Variants in TMCO4 observed in about 807,000 individuals in gnomAD.
TMCO4 encodes transmembrane and coiled-coil domains 4, also known as transmembrane and coiled-coil domain-containing protein 4.
In TMCO4, 58 loss-of-function variants were observed where a neutral mutation model predicts 64.7. The ratio of observed to expected loss-of-function variants is 0.90; its 90% CI spans 0.73 to 1.12. The LOEUF is 1.12. TMCO4 is among the 50% of genes most tolerant of loss of function. TMCO4 has a pLI of 0.00. For synonymous variants in TMCO4, 325 were observed against 346.1 expected (o/e 0.94, Z 0.68); for missense variants, 780 against 825.9 (o/e 0.94, Z 0.68).
chr1:19,725,830 T>G (rs1251394623), intron 13 of TMCO4, among the ~76,000 whole-genome samples: 1 of 152,182 alleles, frequency 6.6e-6, no homozygotes, highest in Non-Finnish European at 1.5e-5. Context: ...TCAAGCCCGA[T>G]GGACAGTCTG....
At chr1:19,696,004 C>A (rs537925632) in intron 14 of TMCO4, among the ~76,000 whole-genome samples, 32 of 152,238 alleles carry the variant, frequency 2.1e-4, no homozygotes, top group Middle Eastern at 3.4e-3. Flanking sequence ...AGCAGGCAAT[C>A]CTCCCTCCCC....
chr1:19,721,046 T>C (rs2100737975), intron 13 of TMCO4, among the ~76,000 whole-genome samples: 1 of 152,210 alleles, frequency 6.6e-6, no homozygotes, highest in Admixed American at 6.5e-5. Context: ...TCTTCTCCGG[T>C]TGGAATTCTC....
intron 13 of TMCO4, among the ~76,000 whole-genome samples, chr1:19,726,369 G>A (rs1333952160): frequency 2.0e-5 from 3 of 152,058 alleles, no homozygotes; most frequent in Non-Finnish European, 2.9e-5. Flanking sequence ...AAATCCCTTC[G>A]GCTCTCTGAG....
chr1:19,751,819 C>T (rs1410903291), intron 7 of TMCO4, among the ~76,000 whole-genome samples: 2 of 152,200 alleles, frequency 1.3e-5, no homozygotes, highest in East Asian at 3.9e-4. Context: ...GAGGCCAAGG[C>T]GGGTGGATCA....
chr1:19,790,057 G>GAAA (rs545785612), intron 2 of TMCO4, among the ~76,000 whole-genome samples: 1 of 85,430 alleles, frequency 1.2e-5, no homozygotes, highest in Non-Finnish European at 2.6e-5. Context: ...CTCTGCCTCA[G>GAAA]AAAAAAAAAA....
At chr1:19,768,088 C>A (rs1193955421) in intron 6 of TMCO4, among the ~76,000 whole-genome samples, 1 of 128,242 alleles carries the variant, frequency 7.8e-6, no homozygotes, top group African/African-American at 3.3e-5. Context: ...AGCGAAACTT[C>A]ATCTCAAAAA....
At chr1:19,788,030 T>C (rs1351396266) in intron 2 of TMCO4, among the ~76,000 whole-genome samples, 1 of 152,184 alleles carries the variant, frequency 6.6e-6, no homozygotes, top group African/African-American at 2.4e-5. Context: ...GTGCTAGGAT[T>C]ACAGGCGTGA....
intron 12 of TMCO4, among the ~76,000 whole-genome samples, chr1:19,738,625 T>G (rs1014931050): frequency 6.6e-6 from 1 of 152,266 alleles, no homozygotes; most frequent in Admixed American, 6.5e-5. Context: ...TCTAAGCCAA[T>G]GCCACTTTGG....
chr1:19,787,311 G>C (rs1022579820), intron 2 of TMCO4, among the ~76,000 whole-genome samples, 194 bp from the exon 3 acceptor site: 3 of 152,234 alleles, frequency 2.0e-5, no homozygotes, highest in African/African-American at 7.2e-5. Context: ...AGGGCAGGCA[G>C]CTACCACTGC....
At chr1:19,771,257 A>G (rs1282324195) in intron 5 of TMCO4, 51 bp downstream of exon 5, 1 of 1,564,508 alleles carries the variant, frequency 6.4e-7, no homozygotes, top group Admixed American at 1.9e-5. Context: ...CATTGAAAGA[A>G]AATGATTTGT....
intron 2 of TMCO4, among the ~76,000 whole-genome samples, chr1:19,793,341 A>C (rs1265388402): frequency 6.6e-6 from 1 of 152,224 alleles, no homozygotes. Context: ...CATTTGGCTA[A>C]GAAATCATTC....
intron 2 of TMCO4, among the ~76,000 whole-genome samples, chr1:19,789,447 G>C (rs754368333): frequency 6.6e-6 from 1 of 152,038 alleles, no homozygotes; most frequent in East Asian, 1.9e-4. Flanking sequence ...ATCTTTCACA[G>C]AGCAAAAAGA....
chr1:19,740,422 G>T (rs2095473966), intron 11 of TMCO4, among the ~76,000 whole-genome samples: 1 of 152,156 alleles, frequency 6.6e-6, no homozygotes, highest in Admixed American at 6.5e-5. Context: ...GAGCTGAGTT[G>T]CCCCAGACAA....
In TMCO4 at chr1:19,734,052, C is replaced by G. The variant is rs1570805601; in HGVS notation, c.1264+3320G>C. ...TCCATAAGTGTGTGCTGTGTGGTTA[C>G]TACTACTACTATTATCATCATTATT... is the stretch of plus-strand genomic sequence containing the variant. On this transcript the variant is annotated intron_variant, in intron 13 of 15. Coordinates refer to ENST00000294543, the MANE Select transcript of TMCO4 (RefSeq NM_181719.7). The surrounding 1 kb of genome is among the most constrained non-coding windows in gnomAD (Gnocchi z 4.4). Among the ~76,000 whole-genome samples the G allele has an allele frequency of 1.3e-5, 2 of 152,260 alleles. No individual in the cohort carries two copies. Among genetic ancestry groups the G allele is most frequent in the South Asian group, 4.1e-4 (2 of 4,824 alleles).
At chr1:19,796,043 T>C (rs934594840) in intron 2 of TMCO4, among the ~76,000 whole-genome samples, 1 of 152,212 alleles carries the variant, frequency 6.6e-6, no homozygotes, top group African/African-American at 2.4e-5. Flanking sequence ...TGGGTCCCCC[T>C]GTCCAAATAG....
chr1:19,771,398 C>G lies in TMCO4; in HGVS notation c.264G>C (p.Ala88=). Residue 88 remains alanine, a synonymous_variant, in exon 5 of 16, where the codon GCG becomes GCC. Coordinates refer to ENST00000294543, the MANE Select transcript of TMCO4 (RefSeq NM_181719.7). The part of the protein sequence containing the change: ...EAVLPTMTAF[A]SGLGGEGADV... ...CTGCTCCTTCACCTCCCAGGCCGCT[C>G]GCAAAAGCAGTCATGGTTGGCAAGA... 6.2e-7 allele frequency: 1 copy of G among 1,614,168 alleles called. No homozygotes were observed. Among genetic ancestry groups the G allele is most frequent in the Non-Finnish European group, 8.5e-7 (1 of 1,180,032 alleles).
At chr1:19,690,613 A>C (rs1220941529) in intron 15 of TMCO4, among the ~76,000 whole-genome samples, 1 of 152,126 alleles carries the variant, frequency 6.6e-6, no homozygotes, top group Non-Finnish European at 1.5e-5. Flanking sequence ...CCCTGCTGCA[A>C]GTGTGGCCAA....
intron 4 of TMCO4, 84 bp downstream of exon 4, chr1:19,780,496 A>G (rs1258560171): frequency 2.0e-6 from 3 of 1,482,866 alleles, no homozygotes; most frequent in African/African-American, 2.8e-5. Flanking sequence ...GCATTGCCTC[A>G]TCGTGCCTGG....
intron 15 of TMCO4, among the ~76,000 whole-genome samples, chr1:19,687,195 G>A (rs964289976): frequency 1.4e-4 from 22 of 152,098 alleles, no homozygotes; most frequent in Admixed American, 3.9e-4. Flanking sequence ...CAGGTGATCC[G>A]CCTTCCTTGG....
Sources: gnomAD v4.1 joint callset for allele counts (sites outside exome capture counted in the v4.1 genomes callset) on GRCh38, gnomAD v4.1.1 for gene constraint, Gnocchi (gnomAD v3.1) non-coding constraint, MANE v1.5 for transcripts, NCBI Gene and HGNC (gene_info 2026-07-23, HGNC 2026-07-21) for gene names.